CBLB: variants seen among roughly 807,000 people sequenced by gnomAD.
CBLB encodes the protein Cbl proto-oncogene B.
Under a neutral mutation model 104.9 loss-of-function variants are expected in CBLB, and 31 were observed. The observed-to-expected ratio is 0.30, with a 90% CI of 0.22 to 0.40. The LOEUF (loss-of-function observed/expected upper bound fraction) is 0.40. Ranked by LOEUF, CBLB falls within the 10% of genes least tolerant of loss-of-function variation. The probability of loss-of-function intolerance (pLI) is 1.00; values close to 1 mark genes in which losing one functional copy is unlikely to be tolerated. For synonymous variants in CBLB, 440 were observed against 422.6 expected (o/e 1.04, Z -0.51); for missense variants, 1,062 against 1,214.6 (o/e 0.87, Z 1.87).
At chr3:105,663,843 A>G (rs989195004) in intron 18 of CBLB, among the ~76,000 whole-genome samples, 1 of 151,148 alleles carries the variant, frequency 6.6e-6, no homozygotes, top group African/African-American at 2.4e-5. Context: ...CTCTATCTCT[A>G]TGTCTACTAA....
chr3:105,658,546 G>C lies in CBLB; in HGVS notation c.*424C>G, dbSNP rs2063494549. The C allele has an allele frequency of 3.9e-6, 1 of 259,612 alleles. No homozygotes were observed. The highest frequency in any genetic ancestry group is 7.5e-6 in the Non-Finnish European group (1 of 132,910). The allele number at this position is 259,612 out of a possible 1,614,324, so 16.1% of individuals were successfully genotyped here. Reference sequence around the variant, plus strand: ...AGCTGTTGATGTGGACAGCAAGAGAGTTGGTGGGAAATGTTACAGCAGACC... The same window carrying C: ...AGCTGTTGATGTGGACAGCAAGAGACTTGGTGGGAAATGTTACAGCAGACC... On this transcript the variant is annotated 3_prime_UTR_variant, in exon 19 of 19. Coordinates refer to ENST00000394030, the MANE Select transcript of CBLB (RefSeq NM_170662.5).
intron 12 of CBLB, among the ~76,000 whole-genome samples, chr3:105,698,395 C>A (rs566018966): frequency 6.6e-6 from 1 of 151,832 alleles, no homozygotes; most frequent in Non-Finnish European, 1.5e-5. Context: ...AATGACAGGA[C>A]GAGTAATGAA....
intron 3 of CBLB, among the ~76,000 whole-genome samples, chr3:105,847,943 ATACT>A (rs546046779): frequency 7.2e-5 from 11 of 152,082 alleles, no homozygotes; most frequent in Non-Finnish European, 1.0e-4. Flanking sequence ...AAGTAATATA[ATACT>A]TAGAGTTTCT....
intron 14 of CBLB, 62 bp downstream of exon 14, chr3:105,685,258 A>G: frequency 3.6e-6 from 5 of 1,405,250 alleles, no homozygotes; most frequent in Non-Finnish European, 5.1e-6. Context: ...GTTTAAAAAC[A>G]AACATTACAA....
chr3:105,805,111 A>G (rs2083341950), intron 3 of CBLB, among the ~76,000 whole-genome samples: 1 of 152,020 alleles, frequency 6.6e-6, no homozygotes, highest in Non-Finnish European at 1.5e-5. Context: ...CACATTTTCC[A>G]TACTCTGCCA....
At chr3:105,694,609 T>G (rs1179323890) in intron 12 of CBLB, among the ~76,000 whole-genome samples, 2 of 151,844 alleles carry the variant, frequency 1.3e-5, no homozygotes, top group Non-Finnish European at 3.0e-5. Context: ...AATACAAAAT[T>G]TAAAAGACCA....
intron 8 of CBLB, among the ~76,000 whole-genome samples, chr3:105,734,481 C>CT (rs1212938510): frequency 6.6e-6 from 1 of 151,970 alleles, no homozygotes; most frequent in Non-Finnish European, 1.5e-5. Context: ...TATAAAATGA[C>CT]TTTATCTTTT....
At chr3:105,670,738 T>G (rs1426360692) in intron 17 of CBLB, 1 of 223,110 alleles carries the variant, frequency 4.5e-6, no homozygotes, top group Non-Finnish European at 8.9e-6. Context: ...CATAAAACCA[T>G]GGGTTTGGAT....
chr3:105,820,413 G>C (rs550193519), intron 3 of CBLB, among the ~76,000 whole-genome samples: 15 of 152,172 alleles, frequency 9.9e-5, no homozygotes, highest in Admixed American at 3.9e-4. Flanking sequence ...CTAGCAGAAA[G>C]AATTTAAAAT....
At chr3:105,827,381 G>T (rs1035406980) in intron 3 of CBLB, among the ~76,000 whole-genome samples, 18 of 151,916 alleles carry the variant, frequency 1.2e-4, no homozygotes, top group African/African-American at 4.1e-4. Flanking sequence ...ACAATTTCTT[G>T]TAAGTGTTAT....
At chr3:105,673,299 G>A (rs2065267058) in intron 17 of CBLB, 1 of 152,134 alleles carries the variant, frequency 6.6e-6, no homozygotes, top group Non-Finnish European at 1.5e-5. Context: ...AAATTCCTGA[G>A]CTCAAGAAAT....
intron 16 of CBLB, 75 bp downstream of exon 16, chr3:105,681,404 A>T: frequency 6.7e-7 from 1 of 1,499,344 alleles, no homozygotes; most frequent in Non-Finnish European, 9.3e-7. Flanking sequence ...TGTTATACTG[A>T]ACTCTGAATT....
At chr3:105,713,266 T>C (rs1343596291) in intron 10 of CBLB, among the ~76,000 whole-genome samples, 1 of 151,518 alleles carries the variant, frequency 6.6e-6, no homozygotes, top group Middle Eastern at 3.2e-3. Flanking sequence ...GGAGGGGGTG[T>C]TAAATAAAAC....
At chr3:105,827,490 GTA>G (rs1560425480) in intron 3 of CBLB, among the ~76,000 whole-genome samples, 2 of 147,262 alleles carry the variant, frequency 1.4e-5, no homozygotes, top group East Asian at 2.0e-4. Flanking sequence ...TTACCAGTGT[GTA>G]TGTGTGTGTG....
intron 10 of CBLB, among the ~76,000 whole-genome samples, chr3:105,714,744 G>A (rs1287651486): frequency 1.3e-5 from 2 of 152,150 alleles, no homozygotes; most frequent in Non-Finnish European, 2.9e-5. Context: ...CCTGGGGTTT[G>A]GGGACCCCTG....
chr3:105,848,987 C>T (rs2090618822), intron 3 of CBLB, among the ~76,000 whole-genome samples: 1 of 152,112 alleles, frequency 6.6e-6, no homozygotes, highest in African/African-American at 2.4e-5. Flanking sequence ...TACAGATTTT[C>T]ATAGATCAAT....
chr3:105,698,745 G>A (rs1176799503), intron 12 of CBLB, among the ~76,000 whole-genome samples: 1 of 151,838 alleles, frequency 6.6e-6, no homozygotes, highest in African/African-American at 2.4e-5. Flanking sequence ...GGCACTATTA[G>A]GTATGAAGGG....
At chr3:105,683,939 C>T (rs1262255420) in intron 14 of CBLB, among the ~76,000 whole-genome samples, 1 of 152,224 alleles carries the variant, frequency 6.6e-6, no homozygotes, top group Admixed American at 6.5e-5. Context: ...TTAAGACAGA[C>T]ATCTGCTTAA....
At chr3:105,802,529 A>G (rs2083010502) in intron 3 of CBLB, among the ~76,000 whole-genome samples, 2 of 152,230 alleles carry the variant, frequency 1.3e-5, no homozygotes, top group Non-Finnish European at 2.9e-5. Context: ...GTTCACACCA[A>G]TGAAGGTCCC....
Sources: gnomAD v4.1 joint callset for allele counts (sites outside exome capture counted in the v4.1 genomes callset) on GRCh38, gnomAD v4.1.1 for gene constraint, MANE v1.5 for transcripts, NCBI Gene and HGNC (gene_info 2026-07-23, HGNC 2026-07-21) for gene names.